SEPTIN7: variants seen among roughly 807,000 people sequenced by gnomAD.
SEPTIN7 encodes septin 7.
A neutral mutation model predicts 63.3 loss-of-function variants in SEPTIN7; 10 were observed. The ratio of observed to expected loss-of-function variants is 0.16; its 90% CI spans 0.10 to 0.27. SEPTIN7 has a LOEUF of 0.27. Among genes scored for constraint, SEPTIN7 ranks in the 10% least tolerant of loss-of-function variants. The pLI is 1.00. For synonymous variants in SEPTIN7, 131 were observed against 165.3 expected (o/e 0.79, Z 1.59); for missense variants, 310 against 521.0 (o/e 0.59, Z 3.94).
At chr7:35,854,629 C>A (rs10232178) in intron 3 of SEPTIN7, among the ~76,000 whole-genome samples, 49,453 of 152,062 alleles carry the variant, frequency 0.33, 8,276 homozygotes, top group East Asian at 0.4. Flanking sequence ...GCCTGCCTCT[C>A]ATTTACTCTG....
At chr7:35,907,972 C>T (rs539980312), downstream of SEPTIN7, among the ~76,000 whole-genome samples, 1 of 152,270 alleles carries the variant, frequency 6.6e-6, no homozygotes, top group East Asian at 1.9e-4. Flanking sequence ...AGTATTTCTT[C>T]TCAGTTTTAG....
chr7:35,895,752 G>T (rs1024580891), intron 11 of SEPTIN7, among the ~76,000 whole-genome samples: 1 of 152,086 alleles, frequency 6.6e-6, no homozygotes, highest in African/African-American at 2.4e-5. Context: ...CTTTAGGTAT[G>T]ATACAGTTGA....
chr7:35,811,002 G>A (rs1788670730), intron 1 of SEPTIN7, among the ~76,000 whole-genome samples: 1 of 150,878 alleles, frequency 6.6e-6, no homozygotes, highest in African/African-American at 2.4e-5. Flanking sequence ...CTCCTGACCT[G>A]AGGCAATCTG....
intron 1 of SEPTIN7, among the ~76,000 whole-genome samples, chr7:35,820,082 C>T (rs1362606): frequency 0.52 from 78,947 of 151,572 alleles, 23,688 homozygotes; most frequent in African/African-American, 0.84. Flanking sequence ...TTTCAACATT[C>T]GAAATATGTT....
At chr7:35,898,091 T>A in intron 11 of SEPTIN7, 157 bp from the exon 12 acceptor site, 1 of 506,138 alleles carries the variant, frequency 2.0e-6, no homozygotes, top group East Asian at 3.3e-5. Flanking sequence ...TCATAAATAA[T>A]CAAGTTTTAT....
intron 1 of SEPTIN7, among the ~76,000 whole-genome samples, chr7:35,801,515 C>T (rs1297464798): frequency 1.3e-5 from 2 of 151,200 alleles, no homozygotes; most frequent in Non-Finnish European, 3.0e-5. Context: ...TTTCCTGTGC[C>T]GCGGCGGGCT....
chr7:35,893,959 C>G (rs1159385697), intron 11 of SEPTIN7, among the ~76,000 whole-genome samples: 5 of 152,122 alleles, frequency 3.3e-5, no homozygotes, highest in Non-Finnish European at 5.9e-5. Flanking sequence ...GTACTTCTTG[C>G]ATCCCTGTAT....
intron 3 of SEPTIN7, among the ~76,000 whole-genome samples, chr7:35,862,072 C>T (rs1785539046): frequency 1.3e-5 from 2 of 152,054 alleles, no homozygotes; most frequent in Admixed American, 6.6e-5. Flanking sequence ...TGATGCCACT[C>T]AATAATACTT....
chr7:35,880,365 A>ATTT (rs1786802936), intron 7 of SEPTIN7, among the ~76,000 whole-genome samples: 1 of 151,394 alleles, frequency 6.6e-6, no homozygotes, highest in Non-Finnish European at 1.5e-5. Context: ...AATAAAACAA[A>ATTT]TTTGTACATC....
At chr7:35,913,413 T>G in the SEPTIN7 span, among the ~76,000 whole-genome samples, 14 of 152,064 alleles carry the variant, frequency 9.2e-5, no homozygotes, top group Non-Finnish European at 1.9e-4. Context: ...TTCTCTTTCT[T>G]TCTTTCTTTT....
intron 1 of SEPTIN7, 91 bp downstream of exon 1, chr7:35,801,361 C>T: frequency 7.0e-7 from 1 of 1,430,242 alleles, no homozygotes; most frequent in South Asian, 1.4e-5. Context: ...AGGGAACGCC[C>T]TGAGGCGAGG....
chr7:35,865,424 G>C (rs995882333), intron 4 of SEPTIN7, among the ~76,000 whole-genome samples: 2 of 152,218 alleles, frequency 1.3e-5, no homozygotes, highest in East Asian at 3.9e-4. Context: ...TTTTCTTTCA[G>C]TGAAGATTAC....
chr7:35,820,132 G>A (rs1484402649), intron 1 of SEPTIN7, among the ~76,000 whole-genome samples: 1 of 152,006 alleles, frequency 6.6e-6, no homozygotes, highest in Admixed American at 6.6e-5. Flanking sequence ...CTGATAGGAT[G>A]TCAGCTATTC....
chr7:35,913,753 C>T, the SEPTIN7 span, among the ~76,000 whole-genome samples: 1 of 152,088 alleles, frequency 6.6e-6, no homozygotes, highest in Admixed American at 6.6e-5. Context: ...CCATGCCTAA[C>T]TAATTTTTGT....
intron 3 of SEPTIN7, among the ~76,000 whole-genome samples, chr7:35,846,453 G>A (rs1272431157): frequency 6.6e-6 from 1 of 152,168 alleles, no homozygotes; most frequent in African/African-American, 2.4e-5. Context: ...CTATAGGTGT[G>A]TGAATGCTCA....
At chr7:35,910,300 TATAA>T (rs1431236896), downstream of SEPTIN7, among the ~76,000 whole-genome samples, 1 of 152,246 alleles carries the variant, frequency 6.6e-6, no homozygotes, top group Non-Finnish European at 1.5e-5. Context: ...AGCAAGCTTT[TATAA>T]ATAGTCTTAT....
intron 11 of SEPTIN7, among the ~76,000 whole-genome samples, chr7:35,896,124 A>T (rs1408176827): frequency 6.6e-6 from 1 of 152,208 alleles, no homozygotes; most frequent in East Asian, 1.9e-4. Flanking sequence ...GATTTGAAAC[A>T]TCATTGCATG....
At chr7:35,893,948 A>G (rs1390405685) in intron 11 of SEPTIN7, among the ~76,000 whole-genome samples, 3 of 152,150 alleles carry the variant, frequency 2.0e-5, no homozygotes, top group South Asian at 4.1e-4. Context: ...GAGCCATCCA[A>G]GTACTTCTTG....
intron 1 of SEPTIN7, among the ~76,000 whole-genome samples, chr7:35,827,278 A>T (rs1300728828): frequency 6.6e-6 from 1 of 152,024 alleles, no homozygotes; most frequent in Non-Finnish European, 1.5e-5. Flanking sequence ...ATTTATACAT[A>T]CTTATAAATG....
Sources: allele counts gnomAD v4.1 joint callset (sites outside exome capture counted in the v4.1 genomes callset), GRCh38; gene constraint gnomAD v4.1.1; transcripts MANE v1.5; gene names NCBI Gene and HGNC (gene_info 2026-07-23, HGNC 2026-07-21).